RBMS3: variants seen among roughly 807,000 people sequenced by gnomAD.
RBMS3 encodes the protein RNA-binding motif, single-stranded-interacting protein 3.
RBMS3 carries 27 observed loss-of-function variants against 66.8 expected under a neutral mutation model. That is an observed-to-expected ratio of 0.40 (90% CI 0.30 to 0.56). The LOEUF (loss-of-function observed/expected upper bound fraction) is 0.56, where lower values mean the gene tolerates loss of function less well. RBMS3 is among the 20% of genes least tolerant of loss of function. RBMS3 has a pLI of 0.40. For missense variants in RBMS3, 513 were observed against 549.5 expected (o/e 0.93, Z 0.66); for synonymous variants, 188 against 183.0 (o/e 1.03, Z -0.22).
intron 4 of RBMS3, among the ~76,000 whole-genome samples, chr3:29,628,535 C>T (rs2049154596): frequency 6.6e-6 from 1 of 152,030 alleles, no homozygotes; most frequent in Non-Finnish European, 1.5e-5. Context: ...TCACCTGAAA[C>T]CCTCACATTT....
chr3:29,415,952 A>G (rs1196788621), intron 1 of RBMS3, among the ~76,000 whole-genome samples: 2 of 152,138 alleles, frequency 1.3e-5, no homozygotes, highest in Admixed American at 6.5e-5. Flanking sequence ...AAAGTGTCCA[A>G]AAAAGGACAT....
At chr3:29,676,922 G>T (rs1437551946) in intron 4 of RBMS3, among the ~76,000 whole-genome samples, 1 of 152,178 alleles carries the variant, frequency 6.6e-6, no homozygotes, top group Non-Finnish European at 1.5e-5. Flanking sequence ...GGTAATTTAT[G>T]AAGAAAAGAG....
chr3:29,665,803 G>C (rs2050728130), intron 4 of RBMS3, among the ~76,000 whole-genome samples: 1 of 151,992 alleles, frequency 6.6e-6, no homozygotes, highest in Non-Finnish European at 1.5e-5. Context: ...ACAGAGGTAG[G>C]GATTCTATAT....
chr3:29,282,970 C>T (rs771576363), intron 1 of RBMS3, among the ~76,000 whole-genome samples: 1 of 152,134 alleles, frequency 6.6e-6, no homozygotes, highest in Non-Finnish European at 1.5e-5. Flanking sequence ...CCTGCCCCTC[C>T]AAGGTCGACT....
chr3:29,670,179 G>A (rs76193772), intron 4 of RBMS3, among the ~76,000 whole-genome samples: 5,465 of 152,134 alleles, frequency 0.036, 319 homozygotes, highest in African/African-American at 0.12. Flanking sequence ...TGGGTTAAAT[G>A]GCGTTCTCCC....
intron 5 of RBMS3, among the ~76,000 whole-genome samples, chr3:29,744,932 G>A (rs1221538797): frequency 1.3e-5 from 2 of 152,054 alleles, no homozygotes; most frequent in African/African-American, 2.4e-5. Context: ...CATTTTGAAT[G>A]TTACTATTGG....
chr3:29,493,141 C>T (rs1185419980), intron 3 of RBMS3, among the ~76,000 whole-genome samples: 1 of 152,166 alleles, frequency 6.6e-6, no homozygotes, highest in African/African-American at 2.4e-5. Flanking sequence ...GGAGCATATA[C>T]AACTGTTATG....
intron 1 of RBMS3, among the ~76,000 whole-genome samples, chr3:29,364,442 G>T (rs1391136873): frequency 6.6e-6 from 1 of 152,044 alleles, no homozygotes; most frequent in African/African-American, 2.4e-5. Flanking sequence ...GTCTTATCTA[G>T]GTATTCTTAT....
At chr3:29,997,303 G>T (rs1016099412) in intron 14 of RBMS3, among the ~76,000 whole-genome samples, 5 of 151,490 alleles carry the variant, frequency 3.3e-5, no homozygotes, top group African/African-American at 1.2e-4. Flanking sequence ...AAGAGTCCAG[G>T]ATCACATGGA....
intron 1 of RBMS3, among the ~76,000 whole-genome samples, chr3:29,380,867 A>G (rs62235720): frequency 0.25 from 37,840 of 152,092 alleles, 5,042 homozygotes; most frequent in Middle Eastern, 0.37. Context: ...TGGGACATGA[A>G]CTACATATGA....
chr3:29,386,883 T>C (rs146445918), intron 1 of RBMS3, among the ~76,000 whole-genome samples: 62 of 152,336 alleles, frequency 4.1e-4, no homozygotes, highest in African/African-American at 1.4e-3. Context: ...GATCTTTATG[T>C]TGCCAGATCC....
intron 12 of RBMS3, among the ~76,000 whole-genome samples, chr3:29,951,097 G>A (rs943987706): frequency 2.0e-5 from 3 of 151,794 alleles, no homozygotes; most frequent in Non-Finnish European, 4.4e-5. Context: ...TCTTAATGCA[G>A]TGCTTAATTT....
chr3:29,754,603 C>T (rs1393191492), intron 5 of RBMS3, among the ~76,000 whole-genome samples: 2 of 152,124 alleles, frequency 1.3e-5, no homozygotes, highest in African/African-American at 2.4e-5. Context: ...TTTCAGGTCC[C>T]ACCTGAGTCA....
At chr3:29,886,086 A>G (rs2059862601) in intron 8 of RBMS3, among the ~76,000 whole-genome samples, 1 of 151,892 alleles carries the variant, frequency 6.6e-6, no homozygotes. Context: ...AATATTTCTA[A>G]CTTCTTACAT....
At chr3:29,927,499 T>C (rs2149671163) in intron 10 of RBMS3, among the ~76,000 whole-genome samples, 1 of 152,284 alleles carries the variant, frequency 6.6e-6, no homozygotes. Flanking sequence ...AGTTTGATCA[T>C]GATCAAAGTG....
At chr3:29,505,929 C>T (rs924500540) in intron 3 of RBMS3, among the ~76,000 whole-genome samples, 1 of 151,496 alleles carries the variant, frequency 6.6e-6, no homozygotes, top group Non-Finnish European at 1.5e-5. Context: ...GATTTTTTAT[C>T]CAGCAATTTT....
rs372604842 is a variant in RBMS3, at chr3:29,294,763, C to T, written c.75+13007C>T. On this transcript the variant is annotated intron_variant, in intron 1 of 14. Transcript: ENST00000383767. ...CTAGGAGATGGTCTGAGTTTTCGGT[C>T]CATCTTTTTGTCAATTTTGTTTATT... Among the ~76,000 whole-genome samples, 39 of 151,788 alleles carry T rather than the reference C, an allele frequency of 2.6e-4. 1 individual carries two copies. In the East Asian group the frequency reaches 7.0e-3, roughly 27 times the overall value.
intron 3 of RBMS3, among the ~76,000 whole-genome samples, chr3:29,567,905 G>A (rs2046805644): frequency 1.3e-5 from 2 of 151,978 alleles, no homozygotes; most frequent in Admixed American, 6.6e-5. Flanking sequence ...GACTCCTAGG[G>A]GATTTCTTAT....
intron 1 of RBMS3, among the ~76,000 whole-genome samples, chr3:29,388,847 A>C (rs1408661103): frequency 6.6e-6 from 1 of 152,168 alleles, no homozygotes; most frequent in East Asian, 1.9e-4. Context: ...TACAGGCGTG[A>C]GTCACTGCGC....
Sources: allele counts gnomAD v4.1 joint callset (sites outside exome capture counted in the v4.1 genomes callset), GRCh38; gene constraint gnomAD v4.1.1; transcripts MANE v1.5; gene names NCBI Gene and HGNC (gene_info 2026-07-23, HGNC 2026-07-21).